The following FHIT variants were observed in gnomAD, a reference collection of about 807,000 sequenced individuals.
FHIT encodes the protein fragile histidine triad diadenosine triphosphatase.
A neutral mutation model predicts 17.9 loss-of-function variants in FHIT; 19 were observed. That is an observed-to-expected ratio of 1.06 (90% CI 0.74 to 1.56). The LOEUF is 1.56. Among genes scored for constraint, FHIT ranks in the 40% most tolerant of loss-of-function variants. The probability of loss-of-function intolerance (pLI) is 0.00; values close to 1 mark genes in which losing one functional copy is unlikely to be tolerated. For synonymous variants in FHIT, 81 were observed against 69.7 expected, an observed-to-expected ratio of 1.16 and a Z score of -0.81; for missense variants, 248 against 189.2, an observed-to-expected ratio of 1.31 and a Z score of -1.82.
chr3:60,977,274 G>A (rs185628525), intron 3 of FHIT, among the ~76,000 whole-genome samples: 105 of 152,316 alleles, frequency 6.9e-4, no homozygotes, highest in African/African-American at 2.0e-3. Flanking sequence ...GTGGTGAAGA[G>A]CAGTCAGCAT....
At chr3:60,027,145 ACAC>A (rs375283465) in intron 5 of FHIT, among the ~76,000 whole-genome samples, 3,499 of 135,226 alleles carry the variant, frequency 0.026, 140 homozygotes, top group South Asian at 0.085. Context: ...ACACACACAC[ACAC>A]AAAATTAGTA....
intron 3 of FHIT, among the ~76,000 whole-genome samples, chr3:60,861,246 ATG>A (rs1359589128): frequency 1.2e-5 from 1 of 83,668 alleles, no homozygotes; most frequent in Non-Finnish European, 2.5e-5. Context: ...CATATCATAT[ATG>A]ATACATATGA....
intron 5 of FHIT, among the ~76,000 whole-genome samples, chr3:60,489,448 T>C (rs1230491444): frequency 6.6e-6 from 1 of 152,178 alleles, no homozygotes; most frequent in Non-Finnish European, 1.5e-5. Flanking sequence ...GCCCACTGAA[T>C]TAAAGACATC....
chr3:59,874,176 C>T (rs561934560), intron 8 of FHIT, among the ~76,000 whole-genome samples: 12 of 152,278 alleles, frequency 7.9e-5, no homozygotes, highest in East Asian at 1.9e-4. Flanking sequence ...TCCCCTTCTA[C>T]GTCATTCTAA....
At chr3:60,185,097 T>C (rs973200034) in intron 5 of FHIT, among the ~76,000 whole-genome samples, 1 of 152,214 alleles carries the variant, frequency 6.6e-6, no homozygotes, top group African/African-American at 2.4e-5. Flanking sequence ...GTTTCTTTTA[T>C]TGGGAAATGG....
intron 2 of FHIT, among the ~76,000 whole-genome samples, chr3:61,175,619 G>C (rs1258131270): frequency 6.6e-6 from 1 of 152,106 alleles, no homozygotes; most frequent in Non-Finnish European, 1.5e-5. Flanking sequence ...TAAGTCATGA[G>C]GGCGAGGCTC....
At chr3:60,534,296 G>C (rs242241) in intron 5 of FHIT, among the ~76,000 whole-genome samples, 3 of 149,964 alleles carry the variant, frequency 2.0e-5, no homozygotes, top group East Asian at 2.0e-4. Context: ...AGCCGGGCGC[G>C]GTGGCGGGCG....
chr3:60,646,654 A>T (rs2039864845), intron 4 of FHIT, among the ~76,000 whole-genome samples: 1 of 152,138 alleles, frequency 6.6e-6, no homozygotes, highest in South Asian at 2.1e-4. Flanking sequence ...CTTTTAGAGG[A>T]GTTAGAAAAA....
rs1223456537 is a variant in FHIT, at chr3:60,195,546, G to GAT, written c.104-181396_104-181395dup. On this transcript the variant is annotated intron_variant, in intron 5 of 9. Coordinates refer to ENST00000492590, the MANE Select transcript of FHIT (RefSeq NM_002012.4). ...ACCAATAAGCGGATAAGGAAAATGT[G>GAT]ATATATATATATATTTATATTTATA... Among the ~76,000 whole-genome samples, 12 of 18,886 alleles carry GAT rather than the reference G, an allele frequency of 6.4e-4. No individual in the cohort carries two copies. In the South Asian group the frequency reaches 8.3e-3, roughly 13 times the overall value. The allele number at this position is 18,886 out of a possible 152,430, so 12.4% of individuals were successfully genotyped here.
At chr3:61,212,555 G>A (rs1156364409) in intron 1 of FHIT, among the ~76,000 whole-genome samples, 2 of 152,192 alleles carry the variant, frequency 1.3e-5, no homozygotes, top group Admixed American at 1.3e-4. Flanking sequence ...TGGGGAGAAT[G>A]GAACCAAGTT....
intron 5 of FHIT, among the ~76,000 whole-genome samples, chr3:60,160,487 C>G (rs1311933211): frequency 6.6e-6 from 1 of 152,058 alleles, no homozygotes; most frequent in African/African-American, 2.4e-5. Context: ...TCTAATGTTG[C>G]CAAGGAATCA....
intron 4 of FHIT, among the ~76,000 whole-genome samples, chr3:60,743,150 G>C (rs2042273196): frequency 6.6e-6 from 1 of 152,180 alleles, no homozygotes; most frequent in South Asian, 2.1e-4. Flanking sequence ...CACTGCAGCT[G>C]GGCAACTGGC....
At chr3:60,911,844 TG>T (rs1226267449) in intron 3 of FHIT, among the ~76,000 whole-genome samples, 6 of 152,198 alleles carry the variant, frequency 3.9e-5, no homozygotes, top group African/African-American at 1.4e-4. Flanking sequence ...AAATTATTTT[TG>T]TTTCAATAGC....
chr3:61,139,072 A>C (rs1190675859), intron 2 of FHIT, among the ~76,000 whole-genome samples: 2 of 144,490 alleles, frequency 1.4e-5, no homozygotes, highest in East Asian at 2.1e-4. Context: ...CTCTGTCACC[A>C]AGGCTGGAGT....
At chr3:59,898,207 C>A (rs77543153) in intron 8 of FHIT, among the ~76,000 whole-genome samples, 2,968 of 152,226 alleles carry the variant, frequency 0.019, 106 homozygotes, top group African/African-American at 0.068. Context: ...ATACAATTAT[C>A]TTCAGGCTAT....
chr3:60,968,331 T>C (rs959384349), intron 3 of FHIT, among the ~76,000 whole-genome samples: 1 of 152,116 alleles, frequency 6.6e-6, no homozygotes, highest in Non-Finnish European at 1.5e-5. Flanking sequence ...AATATAATGA[T>C]GAATAAAAAT....
intron 7 of FHIT, among the ~76,000 whole-genome samples, chr3:59,983,477 G>A (rs895332616): frequency 2.0e-5 from 3 of 152,078 alleles, no homozygotes; most frequent in Admixed American, 6.6e-5. Flanking sequence ...TATTGGTATA[G>A]TTGTACTATT....
intron 3 of FHIT, among the ~76,000 whole-genome samples, chr3:60,830,313 C>T (rs1702286912): frequency 6.6e-6 from 1 of 152,090 alleles, no homozygotes; most frequent in African/African-American, 2.4e-5. Flanking sequence ...TCTGTAGTCT[C>T]CAGGTTCAGA....
At chr3:61,250,028 C>T (rs1194880788) in intron 1 of FHIT, among the ~76,000 whole-genome samples, 7 of 151,152 alleles carry the variant, frequency 4.6e-5, no homozygotes, top group Non-Finnish European at 8.8e-5. Flanking sequence ...ATTTCTAGTC[C>T]AGGTTGCAGC....
Sources: allele counts gnomAD v4.1 joint callset (sites outside exome capture counted in the v4.1 genomes callset), GRCh38; gene constraint gnomAD v4.1.1; transcripts MANE v1.5; gene names NCBI Gene and HGNC (gene_info 2026-07-23, HGNC 2026-07-21).